Variants in KLHL7 observed in about 807,000 individuals in gnomAD.
The protein encoded by KLHL7 is kelch like family member 7, also known as kelch-like protein 7.
KLHL7 carries 44 observed loss-of-function variants against 67.4 expected under a neutral mutation model. The observed-to-expected ratio is 0.65, with a 90% CI of 0.51 to 0.84. KLHL7 has a LOEUF of 0.84. Ranked by LOEUF, KLHL7 falls within the 40% of genes least tolerant of loss-of-function variation. KLHL7 has a pLI of 0.00. For synonymous variants in KLHL7, 252 were observed against 243.3 expected (o/e 1.04, Z -0.33); for missense variants, 362 against 718.1 (o/e 0.50, Z 5.67).
intron 6 of KLHL7, among the ~76,000 whole-genome samples, chr7:23,146,403 T>C (rs1345714628): frequency 6.6e-6 from 1 of 152,208 alleles, no homozygotes; most frequent in African/African-American, 2.4e-5. Flanking sequence ...GCAAGTCTCT[T>C]AGTACTATCA....
chr7:23,152,605 T>C (rs778254838), intron 7 of KLHL7, among the ~76,000 whole-genome samples: 1 of 152,188 alleles, frequency 6.6e-6, no homozygotes, highest in Non-Finnish European at 1.5e-5. Flanking sequence ...ATAGTCATTC[T>C]AGAATATTTG....
chr7:23,133,379 T>C (rs1340519928), intron 4 of KLHL7, among the ~76,000 whole-genome samples: 1 of 152,018 alleles, frequency 6.6e-6, no homozygotes, highest in East Asian at 1.9e-4. Context: ...TTCCTAGTTA[T>C]TTATGTATGT....
Position 23,143,973 on chromosome 7 carries a change from A to T in KLHL7, c.741A>T (p.Val247=). Residue 247 remains valine, a synonymous_variant, in exon 6 of 11, where the codon GTA becomes GTT. Transcript: ENST00000339077. ...CAAAGAATTTCTTAAGTAAAACGGT[A>T]CAAGCTGAACCACTTATTCAAGACA... ...LISKNFLSKT[V]QAEPLIQDNP... is the part of the protein sequence containing the mutation. The T allele has an allele frequency of 6.2e-7, 1 of 1,614,106 alleles. No individual in the cohort carries two copies. Among genetic ancestry groups the T allele is most frequent in the Non-Finnish European group, 8.5e-7 (1 of 1,179,970 alleles).
At chr7:23,146,704 C>G (rs892113424) in intron 6 of KLHL7, among the ~76,000 whole-genome samples, 2 of 150,318 alleles carry the variant, frequency 1.3e-5, no homozygotes, top group Non-Finnish European at 2.9e-5. Context: ...TTACTGAAAT[C>G]TATTGGGTGT....
chr7:23,166,272 T>C (rs537829307), intron 8 of KLHL7, among the ~76,000 whole-genome samples: 31 of 152,328 alleles, frequency 2.0e-4, no homozygotes, highest in African/African-American at 7.5e-4. Context: ...TTATAGACTC[T>C]TTAAGAACTC....
intron 4 of KLHL7, among the ~76,000 whole-genome samples, chr7:23,139,341 C>G (rs942365972): frequency 4.6e-5 from 7 of 152,142 alleles, no homozygotes; most frequent in South Asian, 2.1e-4. Flanking sequence ...ACATAATTTA[C>G]TATGCTAACA....
chr7:23,130,328 C>A (rs1316981300), intron 4 of KLHL7, among the ~76,000 whole-genome samples: 1 of 152,160 alleles, frequency 6.6e-6, no homozygotes, highest in Non-Finnish European at 1.5e-5. Flanking sequence ...GACATCATAT[C>A]TATAAAATTC....
chr7:23,129,524 G>C (rs1211200040), intron 4 of KLHL7: 1 of 247,554 alleles, frequency 4.0e-6, no homozygotes, highest in African/African-American at 2.3e-5. Flanking sequence ...TGCCCTTGGA[G>C]GTCATTTAAA....
chr7:23,125,262 C>T (rs1263130914), intron 4 of KLHL7, 90 bp downstream of exon 4: 20 of 1,328,126 alleles, frequency 1.5e-5, no homozygotes, highest in South Asian at 2.5e-5. Flanking sequence ...TTTAAGTATC[C>T]GCATTTAACC....
At chr7:23,144,100 G>A in intron 6 of KLHL7, 75 bp downstream of exon 6, 1 of 1,239,464 alleles carries the variant, frequency 8.1e-7, no homozygotes, top group Admixed American at 1.7e-5. Flanking sequence ...CTTTAGAATG[G>A]ATTAGACTCA....
chr7:23,117,741 T>G, intron 1 of KLHL7: 9 of 1,177,704 alleles, frequency 7.6e-6, no homozygotes, highest in Non-Finnish European at 1.1e-5. Flanking sequence ...GCCTTTGCAT[T>G]TATTATTGCT....
chr7:23,176,472 T>C lies in KLHL7; in HGVS notation c.*2174T>C, dbSNP rs910838043. 1.8e-4 allele frequency: 28 copies of C among 152,108 alleles called. No individual in the cohort carries two copies. The highest frequency in any genetic ancestry group is 6.3e-4 in the African/African-American group (26 of 41,372). 9.4% of individuals were successfully genotyped at this position (152,108 alleles called of 1,614,324 possible). The stretch of plus-strand genomic sequence containing the variant: ...TCAACACTTTGGGAGGTGGAGGCAG[T>C]AGGATCACTTGAGGCTAGGAGTTCA... On this transcript the variant is annotated 3_prime_UTR_variant, in exon 11 of 11. Transcript: ENST00000339077.
In KLHL7 at chr7:23,140,960, T is replaced by A. The variant is rs773489453; in HGVS notation, c.618+16T>A. On this transcript the variant is annotated intron_variant, in intron 5 of 10. Coordinates refer to ENST00000339077, the MANE Select transcript of KLHL7 (RefSeq NM_001031710.3). ...AGAGGATCAGGTGACTAAATTGCCT[T>A]CTCACATTTTTCTTAATAAAAATGT... The A allele has an allele frequency of 6.2e-7, 1 of 1,609,370 alleles. No individual in the cohort carries two copies. The highest frequency in any genetic ancestry group is 8.5e-7 in the Non-Finnish European group (1 of 1,176,160).
intron 4 of KLHL7, among the ~76,000 whole-genome samples, chr7:23,128,759 G>A (rs1251030202): frequency 6.6e-6 from 1 of 151,848 alleles, no homozygotes; most frequent in African/African-American, 2.4e-5. Flanking sequence ...TTCTTCCTCT[G>A]GCAGGCCTGG....
At chr7:23,106,445 T>A (rs1782643253) in intron 1 of KLHL7, 2 of 1,242,258 alleles carry the variant, frequency 1.6e-6, no homozygotes, top group South Asian at 1.6e-5. Context: ...GCCCTAGTTA[T>A]CTCTTTGTGG....
chr7:23,124,009 T>A, intron 2 of KLHL7, 130 bp downstream of exon 2: 2 of 702,266 alleles, frequency 2.8e-6, no homozygotes, highest in East Asian at 2.8e-5. Flanking sequence ...GTGAAGAGAT[T>A]GAAAAAGTAG....
At chr7:23,148,455 A>G (rs1243572518) in intron 6 of KLHL7, among the ~76,000 whole-genome samples, 4 of 152,032 alleles carry the variant, frequency 2.6e-5, no homozygotes, top group African/African-American at 9.7e-5. Flanking sequence ...TGTCTTGGAA[A>G]ACCATGGTAT....
At chr7:23,136,346 A>G (rs1239767582) in intron 4 of KLHL7, among the ~76,000 whole-genome samples, 2 of 152,206 alleles carry the variant, frequency 1.3e-5, no homozygotes, top group African/African-American at 4.8e-5. Flanking sequence ...GCTCAAGATA[A>G]GGATGTACCG....
chr7:23,136,146 TCAGAA>T (rs1363390805), intron 4 of KLHL7, among the ~76,000 whole-genome samples: 88 of 152,260 alleles, frequency 5.8e-4, no homozygotes, highest in African/African-American at 2.1e-3. Flanking sequence ...AGAAAGAGAA[TCAGAA>T]TGCCATTAAT....
Sources: allele counts gnomAD v4.1 joint callset (sites outside exome capture counted in the v4.1 genomes callset), GRCh38; gene constraint gnomAD v4.1.1; transcripts MANE v1.5; gene names NCBI Gene and HGNC (gene_info 2026-07-23, HGNC 2026-07-21).